The following KLHL32 variants were observed in gnomAD, a reference collection of about 807,000 sequenced individuals.
The protein encoded by KLHL32 is kelch-like protein 32.
Under a neutral mutation model 64.8 loss-of-function variants are expected in KLHL32, and 35 were observed. The observed-to-expected ratio is 0.54, with a 90% CI of 0.41 to 0.72. The LOEUF is 0.72. KLHL32 is among the 30% of genes least tolerant of loss of function. KLHL32 has a pLI of 0.00. For synonymous variants in KLHL32, 259 were observed against 281.0 expected (o/e 0.92, Z 0.78); for missense variants, 589 against 768.5 (o/e 0.77, Z 2.76).
chr6:97,111,781 T>G (rs1021718001), intron 6 of KLHL32, among the ~76,000 whole-genome samples: 1 of 152,102 alleles, frequency 6.6e-6, no homozygotes, highest in African/African-American at 2.4e-5. Flanking sequence ...GGGGATTTTA[T>G]TGCCAATGAA....
At chr6:97,092,546 G>A (rs1312320828) in intron 6 of KLHL32, among the ~76,000 whole-genome samples, 2 of 152,088 alleles carry the variant, frequency 1.3e-5, no homozygotes, top group Non-Finnish European at 2.9e-5. Context: ...TTAGATGTTA[G>A]TGAAGAGAAT....
chr6:96,924,024 A>G (rs187492338), upstream of KLHL32, among the ~76,000 whole-genome samples: 55 of 152,246 alleles, frequency 3.6e-4, no homozygotes, highest in African/African-American at 1.3e-3. Context: ...CTGAATTAGT[A>G]GTAACCACAG....
intron 10 of KLHL32, 97 bp from the exon 11 acceptor site, chr6:97,139,024 T>C: frequency 8.9e-7 from 1 of 1,126,250 alleles, no homozygotes; most frequent in East Asian, 2.4e-5. Flanking sequence ...GATGGTGACA[T>C]AACTGAATTT....
At chr6:97,016,618 T>C (rs889852594) in intron 3 of KLHL32, among the ~76,000 whole-genome samples, 2 of 152,228 alleles carry the variant, frequency 1.3e-5, no homozygotes, top group African/African-American at 4.8e-5. Context: ...GGATTTGGAC[T>C]TTTGAGTTAA....
chr6:97,133,323 T>C (rs971517560), intron 10 of KLHL32, among the ~76,000 whole-genome samples: 1 of 152,194 alleles, frequency 6.6e-6, no homozygotes, highest in Non-Finnish European at 1.5e-5. Context: ...TAGCCCTCAT[T>C]GATAGACACA....
At position 97,111,035 on chromosome 6, in the gene KLHL32, G is replaced by A. The variant is rs184413903; in HGVS notation, c.628-2748G>A. Reference sequence around the variant, plus strand: ...AAGATACCACAGAAAAGTCTTGGGGGGGGGGGGTCTTAGCCAACCACCTGT... The same window carrying A: ...AAGATACCACAGAAAAGTCTTGGGGAGGGGGGGTCTTAGCCAACCACCTGT... On this transcript the variant is annotated intron_variant, in intron 6 of 10. Coordinates refer to ENST00000369261, the MANE Select transcript of KLHL32 (RefSeq NM_052904.4). Among the ~76,000 whole-genome samples, 8 of 151,712 alleles carry A rather than the reference G, an allele frequency of 5.3e-5. 1 individual carries two copies. The highest frequency in any genetic ancestry group is 7.4e-5 in the Non-Finnish European group (5 of 68,016).
intron 9 of KLHL32, among the ~76,000 whole-genome samples, chr6:97,131,873 G>A (rs912061660): frequency 6.6e-6 from 1 of 152,226 alleles, no homozygotes; most frequent in Admixed American, 6.5e-5. Flanking sequence ...CGGTACCTTA[G>A]GCCCTCGATT....
chr6:97,086,172 A>G (rs1012005857), intron 6 of KLHL32, among the ~76,000 whole-genome samples: 1 of 152,232 alleles, frequency 6.6e-6, no homozygotes, highest in African/African-American at 2.4e-5. Context: ...AAATAATTAT[A>G]TACAGACTAC....
At chr6:96,981,657 A>C (rs1386222045) in intron 3 of KLHL32, among the ~76,000 whole-genome samples, 1 of 152,062 alleles carries the variant, frequency 6.6e-6, no homozygotes, top group African/African-American at 2.4e-5. Context: ...TGTTAACGTG[A>C]CATCTTTCTA....
chr6:97,013,609 G>A (rs941652344), intron 3 of KLHL32, among the ~76,000 whole-genome samples: 1 of 152,028 alleles, frequency 6.6e-6, no homozygotes, highest in Non-Finnish European at 1.5e-5. Flanking sequence ...CCCAGTTAAG[G>A]CATTTTGATT....
chr6:97,059,383 C>T (rs1582882809), intron 4 of KLHL32, among the ~76,000 whole-genome samples: 1 of 152,102 alleles, frequency 6.6e-6, no homozygotes, highest in Non-Finnish European at 1.5e-5. Flanking sequence ...TGAGGTTTTC[C>T]AAATACAAGC....
chr6:97,087,522 C>G (rs1281952396), intron 6 of KLHL32, among the ~76,000 whole-genome samples: 2 of 152,154 alleles, frequency 1.3e-5, no homozygotes, highest in Non-Finnish European at 2.9e-5. Flanking sequence ...TGCTCATTGA[C>G]TTTGACAAAT....
At chr6:96,925,960 T>G (rs1048346610) in intron 1 of KLHL32, among the ~76,000 whole-genome samples, 22 of 152,002 alleles carry the variant, frequency 1.4e-4, no homozygotes, top group Non-Finnish European at 1.9e-4. Context: ...TGCTTTTTGT[T>G]TTTTTTCTGA....
intron 3 of KLHL32, among the ~76,000 whole-genome samples, chr6:96,999,902 C>G (rs1212298584): frequency 6.6e-6 from 1 of 152,096 alleles, no homozygotes; most frequent in Non-Finnish European, 1.5e-5. Flanking sequence ...TGCAAGGGCT[C>G]CTAAAACATC....
intron 3 of KLHL32, among the ~76,000 whole-genome samples, chr6:96,976,530 T>A (rs1775711124): frequency 6.6e-6 from 1 of 152,144 alleles, no homozygotes; most frequent in Non-Finnish European, 1.5e-5. Flanking sequence ...TATAAGACAA[T>A]TTGTTAAAAT....
intron 6 of KLHL32, among the ~76,000 whole-genome samples, chr6:97,087,324 T>A (rs1469795226): frequency 6.6e-6 from 1 of 152,222 alleles, no homozygotes; most frequent in Non-Finnish European, 1.5e-5. Flanking sequence ...TTGCTGAGGT[T>A]ATGCTAGTAA....
intron 6 of KLHL32, among the ~76,000 whole-genome samples, chr6:97,106,239 A>G (rs1445740596): frequency 6.6e-6 from 1 of 152,140 alleles, no homozygotes; most frequent in Non-Finnish European, 1.5e-5. Context: ...TGAAATACAT[A>G]TGATTAAATT....
intron 5 of KLHL32, among the ~76,000 whole-genome samples, chr6:97,073,720 G>A (rs1791131273): frequency 6.6e-6 from 1 of 152,030 alleles, no homozygotes; most frequent in African/African-American, 2.4e-5. Flanking sequence ...CATAAAAACT[G>A]TGTATTTATT....
chr6:97,105,446 T>G (rs1796279080), intron 6 of KLHL32: 1 of 470,916 alleles, frequency 2.1e-6, no homozygotes, highest in African/African-American at 2.0e-5. Context: ...TTTGCAGAAG[T>G]GTGGAATTTG....
Sources: allele counts gnomAD v4.1 joint callset (sites outside exome capture counted in the v4.1 genomes callset), GRCh38; gene constraint gnomAD v4.1.1; transcripts MANE v1.5; gene names NCBI Gene and HGNC (gene_info 2026-07-23, HGNC 2026-07-21).